Variants in MTUS2 observed in about 807,000 individuals in gnomAD.
MTUS2 encodes microtubule-associated tumor suppressor candidate 2.
MTUS2 carries 40 observed loss-of-function variants against 114.1 expected under a neutral mutation model. The observed-to-expected ratio is 0.35, with a 90% CI of 0.27 to 0.46. The LOEUF (loss-of-function observed/expected upper bound fraction) is 0.46. Ranked by LOEUF, MTUS2 falls within the 20% of genes least tolerant of loss-of-function variation. The pLI, the probability that MTUS2 is intolerant of heterozygous loss-of-function variation, is 1.00. For synonymous variants in MTUS2, 688 were observed against 672.0 expected (o/e 1.02, Z -0.37); for missense variants, 1,679 against 1,705.4 (o/e 0.98, Z 0.27).
chr13:28,845,717 C>T (rs564026637), intron 2 of MTUS2, among the ~76,000 whole-genome samples: 15 of 150,966 alleles, frequency 9.9e-5, no homozygotes, highest in African/African-American at 3.2e-4. Flanking sequence ...TAAGAGGGTA[C>T]GTAAGTCATC....
At chr13:29,094,762 T>G (rs557663793) in intron 4 of MTUS2, among the ~76,000 whole-genome samples, 1 of 152,032 alleles carries the variant, frequency 6.6e-6, no homozygotes, top group Non-Finnish European at 1.5e-5. Context: ...TGTTTTAAAG[T>G]CAAAAATTAC....
intron 6 of MTUS2, among the ~76,000 whole-genome samples, chr13:29,317,849 C>G (rs59678890): frequency 0.011 from 1,733 of 152,332 alleles, 40 homozygotes; most frequent in African/African-American, 0.039. Flanking sequence ...CTACCTTGAA[C>G]TGTTCCCATT....
chr13:29,073,648 C>T (rs143603945), intron 4 of MTUS2, among the ~76,000 whole-genome samples: 3 of 152,220 alleles, frequency 2.0e-5, no homozygotes, highest in African/African-American at 7.2e-5. Flanking sequence ...CTTGCCTGTG[C>T]AGGCACCATG....
Position 29,505,581 on chromosome 13 carries a change from C to A in MTUS2, c.*2375C>A, listed in dbSNP as rs115879748. On this transcript the variant is annotated 3_prime_UTR_variant, in exon 16 of 16. Transcript: ENST00000612955. ...CTCCTTCTCAATTCTTCCACCCCCC[C>A]ACACCATCAGAATTCGGATTTCTCT... is the stretch of plus-strand genomic sequence containing the variant. 117 of 232,052 alleles carry A rather than the reference C, an allele frequency of 5.0e-4. No individual in the cohort carries two copies. Among genetic ancestry groups the A allele is most frequent in the African/African-American group, 2.4e-3 (110 of 45,368 alleles). The allele number at this position is 232,052 out of a possible 1,614,324, so 14.4% of individuals were successfully genotyped here.
chr13:29,487,790 C>T, intron 10 of MTUS2, 110 bp from the exon 11 acceptor site: 1 of 847,318 alleles, frequency 1.2e-6, no homozygotes, highest in Non-Finnish European at 2.0e-6. Flanking sequence ...CGGCACAAGG[C>T]TGTGACTTGT....
intron 9 of MTUS2, among the ~76,000 whole-genome samples, chr13:29,472,334 C>G (rs1880382550): frequency 6.6e-6 from 1 of 152,214 alleles, no homozygotes; most frequent in South Asian, 2.1e-4. Context: ...GGTCCATGAA[C>G]TTTCATCCTT....
intron 8 of MTUS2, among the ~76,000 whole-genome samples, chr13:29,392,543 A>G (rs1296763207): frequency 6.6e-6 from 1 of 152,192 alleles, no homozygotes; most frequent in African/African-American, 2.4e-5. Flanking sequence ...GAATTTGTTT[A>G]AAGTCAGGCA....
chr13:28,930,661 A>G (rs73161868), intron 2 of MTUS2, among the ~76,000 whole-genome samples: 12,760 of 152,262 alleles, frequency 0.084, 601 homozygotes, highest in South Asian at 0.13. Context: ...AATAAGATCA[A>G]TGATTTTTAG....
At chr13:29,295,138 T>C (rs966818149) in intron 6 of MTUS2, among the ~76,000 whole-genome samples, 1 of 152,172 alleles carries the variant, frequency 6.6e-6, no homozygotes, top group Non-Finnish European at 1.5e-5. Flanking sequence ...TTTTTTACTT[T>C]TATTATTTTT....
intron 4 of MTUS2, among the ~76,000 whole-genome samples, chr13:29,060,376 G>T (rs1399516090): frequency 6.6e-6 from 1 of 151,506 alleles, no homozygotes; most frequent in Non-Finnish European, 1.5e-5. Context: ...ATCCCCAGGG[G>T]CTCTCACTCA....
At chr13:29,110,530 T>C (rs1333921191) in intron 5 of MTUS2, among the ~76,000 whole-genome samples, 1 of 104,282 alleles carries the variant, frequency 9.6e-6, no homozygotes, top group Admixed American at 1.2e-4. Flanking sequence ...TTATGAAATT[T>C]AAAGTATTCT....
At chr13:29,468,926 G>T (rs1413434649) in intron 9 of MTUS2, among the ~76,000 whole-genome samples, 3 of 152,088 alleles carry the variant, frequency 2.0e-5, no homozygotes, top group African/African-American at 7.2e-5. Context: ...CTCTTCAGGG[G>T]CCCATTTTGG....
At chr13:28,977,190 T>TA (rs1180833022) in intron 2 of MTUS2, among the ~76,000 whole-genome samples, 3 of 152,190 alleles carry the variant, frequency 2.0e-5, no homozygotes, top group African/African-American at 7.2e-5. Context: ...CAGTTGTAGA[T>TA]ACATTTTTCA....
At chr13:29,202,571 TGGA>T (rs1895004991) in intron 5 of MTUS2, among the ~76,000 whole-genome samples, 1 of 152,204 alleles carries the variant, frequency 6.6e-6, no homozygotes, top group South Asian at 2.1e-4. Context: ...TGTGATCCTT[TGGA>T]GGAGAAGAGG....
chr13:29,363,106 G>A (rs1870407348), intron 8 of MTUS2, among the ~76,000 whole-genome samples: 1 of 71,796 alleles, frequency 1.4e-5, no homozygotes, highest in South Asian at 3.8e-4. Flanking sequence ...TCTCAGGGAC[G>A]GACTCGCGCT....
At chr13:29,378,364 A>G (rs1871918380) in intron 8 of MTUS2, among the ~76,000 whole-genome samples, 1 of 152,080 alleles carries the variant, frequency 6.6e-6, no homozygotes. Flanking sequence ...CTTGAAATTT[A>G]CAGGAACGTT....
intron 5 of MTUS2, among the ~76,000 whole-genome samples, chr13:29,210,120 T>C (rs1895363346): frequency 6.6e-6 from 1 of 152,138 alleles, no homozygotes; most frequent in Non-Finnish European, 1.5e-5. Context: ...TGTTCATTTT[T>C]TAAAATTCTT....
intron 9 of MTUS2, among the ~76,000 whole-genome samples, chr13:29,464,077 G>T (rs1879716757): frequency 6.6e-6 from 1 of 152,226 alleles, no homozygotes; most frequent in Non-Finnish European, 1.5e-5. Context: ...AGACTCTGGA[G>T]GTCCTGGCTG....
intron 2 of MTUS2, among the ~76,000 whole-genome samples, chr13:28,853,771 TTGTG>T (rs112687021): frequency 0.052 from 7,885 of 152,242 alleles, 286 homozygotes; most frequent in African/African-American, 0.1. Flanking sequence ...CTGCTACTGT[TTGTG>T]TGAGAATTGC....
Sources: allele counts gnomAD v4.1 joint callset (sites outside exome capture counted in the v4.1 genomes callset), GRCh38; gene constraint gnomAD v4.1.1; transcripts MANE v1.5; gene names NCBI Gene and HGNC (gene_info 2026-07-23, HGNC 2026-07-21).